PDSS2: variants seen among roughly 807,000 people sequenced by gnomAD.
PDSS2 encodes the protein all trans-polyprenyl-diphosphate synthase PDSS2.
In PDSS2, 31 loss-of-function variants were observed where a neutral mutation model predicts 44.5. That is an observed-to-expected ratio of 0.70 (90% confidence interval 0.52 to 0.94). PDSS2 has a LOEUF of 0.94. Ranked by LOEUF, PDSS2 falls within the 40% of genes least tolerant of loss-of-function variation. PDSS2 has a pLI of 0.00. For synonymous variants in PDSS2, 157 were observed against 180.3 expected (o/e 0.87, Z 1.03); for missense variants, 452 against 482.2 (o/e 0.94, Z 0.59).
chr6:107,399,997 A>T (rs188111139), intron 1 of PDSS2, among the ~76,000 whole-genome samples: 1 of 152,272 alleles, frequency 6.6e-6, no homozygotes, highest in Admixed American at 6.5e-5. Context: ...ACTTTGAAAA[A>T]TAAGAGCGGG....
At chr6:107,193,156 A>C (rs1446797592) in intron 7 of PDSS2, among the ~76,000 whole-genome samples, 1 of 152,190 alleles carries the variant, frequency 6.6e-6, no homozygotes, top group Non-Finnish European at 1.5e-5. Context: ...GATGCACTGA[A>C]ATCTGACCTC....
chr6:107,206,161 T>C (rs1772968558), intron 6 of PDSS2, among the ~76,000 whole-genome samples: 1 of 152,196 alleles, frequency 6.6e-6, no homozygotes, highest in Non-Finnish European at 1.5e-5. Flanking sequence ...AACCTCTGCC[T>C]CCTGGGCTCA....
intron 1 of PDSS2, among the ~76,000 whole-genome samples, chr6:107,411,200 TA>T (rs1233896487): frequency 6.6e-6 from 1 of 152,170 alleles, no homozygotes; most frequent in Non-Finnish European, 1.5e-5. Flanking sequence ...ATGGGTTATT[TA>T]ATGAGTCTCG....
intron 1 of PDSS2, among the ~76,000 whole-genome samples, chr6:107,338,200 A>T (rs1777965750): frequency 1.3e-5 from 2 of 152,184 alleles, no homozygotes; most frequent in Non-Finnish European, 2.9e-5. Context: ...CAAACAAAAA[A>T]CATGGGATTC....
chr6:107,343,564 C>A (rs1229143854), intron 1 of PDSS2, among the ~76,000 whole-genome samples: 1 of 152,054 alleles, frequency 6.6e-6, no homozygotes, highest in Non-Finnish European at 1.5e-5. Context: ...CACACACTAG[C>A]ACAAATTTAG....
At chr6:107,325,857 A>C (rs1777527952) in intron 2 of PDSS2, among the ~76,000 whole-genome samples, 1 of 152,202 alleles carries the variant, frequency 6.6e-6, no homozygotes, top group Non-Finnish European at 1.5e-5. Flanking sequence ...TTGTCTTTTG[A>C]CTTCATGGGA....
chr6:107,283,111 G>C (rs1203129570), intron 2 of PDSS2, among the ~76,000 whole-genome samples: 1 of 151,242 alleles, frequency 6.6e-6, no homozygotes, highest in Non-Finnish European at 1.5e-5. Context: ...CTTCGCCCAG[G>C]AGTTCAAGAC....
At chr6:107,215,835 G>C (rs72939809) in intron 4 of PDSS2, among the ~76,000 whole-genome samples, 30,150 of 152,008 alleles carry the variant, frequency 0.2, 3,629 homozygotes, top group East Asian at 0.33. Flanking sequence ...AAAAATAAAA[G>C]ATTAAAAAAC....
At chr6:107,364,410 G>A (rs1405416913) in intron 1 of PDSS2, among the ~76,000 whole-genome samples, 4 of 152,246 alleles carry the variant, frequency 2.6e-5, no homozygotes, top group South Asian at 2.1e-4. Context: ...GCTAAGGCCC[G>A]GCGAGAAATC....
chr6:107,157,180 CTTTA>C (rs562364233), intron 7 of PDSS2, among the ~76,000 whole-genome samples: 1 of 151,924 alleles, frequency 6.6e-6, no homozygotes, highest in Non-Finnish European at 1.5e-5. Context: ...CCTTTTCCTC[CTTTA>C]TTTATTTATG....
At chr6:107,267,770 T>G (rs973815304) in intron 3 of PDSS2, among the ~76,000 whole-genome samples, 1 of 151,524 alleles carries the variant, frequency 6.6e-6, no homozygotes, top group Non-Finnish European at 1.5e-5. Context: ...TGTTTTTTTT[T>G]TCTGTAGAGA....
In PDSS2 at chr6:107,209,973, T is replaced by C. The variant is rs527777441; in HGVS notation, c.1008+466A>G. Among the ~76,000 whole-genome samples the C allele has an allele frequency of 5.9e-5, 9 of 151,838 alleles. No individual in the cohort carries two copies. The East Asian group carries it at 1.2e-3, about 20-fold the overall frequency. On this transcript the variant is annotated intron_variant, in intron 6 of 7. Transcript: ENST00000369037. ...TACCCCTCCCACTTCGCCATGCTTT[T>C]TTCCCCCCCGCTTTGATAATGCCTC...
intron 7 of PDSS2, among the ~76,000 whole-genome samples, chr6:107,169,489 T>C (rs1771484485): frequency 6.6e-6 from 1 of 152,214 alleles, no homozygotes; most frequent in African/African-American, 2.4e-5. Flanking sequence ...GTCAAAGTCA[T>C]TCTCCATCCA....
intron 1 of PDSS2, among the ~76,000 whole-genome samples, chr6:107,434,802 C>T (rs10080438): frequency 0.069 from 10,530 of 152,022 alleles, 433 homozygotes; most frequent in Non-Finnish European, 0.092. Flanking sequence ...ACACATACCC[C>T]ATTTACCCTG....
intron 1 of PDSS2, among the ~76,000 whole-genome samples, chr6:107,428,291 G>C (rs558621272): frequency 2.6e-4 from 40 of 152,296 alleles, no homozygotes; most frequent in Middle Eastern, 6.8e-3. Flanking sequence ...ATTTTAATCA[G>C]CACTTGCTAC....
chr6:107,406,250 T>A (rs1780317103), intron 1 of PDSS2, among the ~76,000 whole-genome samples: 1 of 152,154 alleles, frequency 6.6e-6, no homozygotes, highest in African/African-American at 2.4e-5. Flanking sequence ...ATATCAAAAA[T>A]TATAAAATGT....
At chr6:107,186,612 C>T (rs912279626) in intron 7 of PDSS2, among the ~76,000 whole-genome samples, 2 of 152,092 alleles carry the variant, frequency 1.3e-5, no homozygotes, top group Non-Finnish European at 2.9e-5. Flanking sequence ...CTTTCGCGCC[C>T]CCCTACCCCC....
At chr6:107,239,890 C>T (rs1327684215) in intron 4 of PDSS2, among the ~76,000 whole-genome samples, 1 of 152,082 alleles carries the variant, frequency 6.6e-6, no homozygotes, top group African/African-American at 2.4e-5. Context: ...GATCTGCCCA[C>T]CTCAGCCTCC....
chr6:107,405,630 G>A (rs1041455644), intron 1 of PDSS2, among the ~76,000 whole-genome samples: 7 of 151,764 alleles, frequency 4.6e-5, no homozygotes, highest in African/African-American at 1.7e-4. Context: ...GGCGGATCAC[G>A]AGGTCAGGAG....
Sources: gnomAD v4.1 joint callset for allele counts (sites outside exome capture counted in the v4.1 genomes callset) on GRCh38, gnomAD v4.1.1 for gene constraint, MANE v1.5 for transcripts, NCBI Gene and HGNC (gene_info 2026-07-23, HGNC 2026-07-21) for gene names.